Variants in GRID2 observed in about 807,000 individuals in gnomAD.
GRID2 encodes glutamate receptor ionotropic, delta-2.
GRID2 carries 33 observed loss-of-function variants against 114.8 expected under a neutral mutation model. That is an observed-to-expected ratio of 0.29 (90% confidence interval 0.22 to 0.38). The LOEUF is 0.38. Among genes scored for constraint, GRID2 ranks in the 10% least tolerant of loss-of-function variants. The probability of loss-of-function intolerance (pLI) is 1.00; values close to 1 mark genes in which losing one functional copy is unlikely to be tolerated. For missense variants in GRID2, 1,184 were observed against 1,257.7 expected, an observed-to-expected ratio of 0.94 and a Z score of 0.89; for synonymous variants, 505 against 449.9, an observed-to-expected ratio of 1.12 and a Z score of -1.55.
At chr4:92,346,678 A>G (rs774177547) in intron 1 of GRID2, among the ~76,000 whole-genome samples, 1 of 152,174 alleles carries the variant, frequency 6.6e-6, no homozygotes, top group Non-Finnish European at 1.5e-5. Context: ...TTTAAATACA[A>G]TATCAGGGAG....
chr4:92,378,942 A>T (rs1237985276), intron 1 of GRID2, among the ~76,000 whole-genome samples: 3 of 151,932 alleles, frequency 2.0e-5, no homozygotes, highest in Admixed American at 2.0e-4. Context: ...TAAAATTTTT[A>T]AAATAAACCT....
intron 14 of GRID2, among the ~76,000 whole-genome samples, chr4:93,734,501 C>T (rs1730760618): frequency 6.6e-6 from 1 of 151,932 alleles, no homozygotes; most frequent in African/African-American, 2.4e-5. Flanking sequence ...AAAATCACCA[C>T]CACAAAAATC....
chr4:93,664,571 T>G (rs1176800122), intron 14 of GRID2, among the ~76,000 whole-genome samples: 2 of 152,174 alleles, frequency 1.3e-5, no homozygotes, highest in African/African-American at 4.8e-5. Flanking sequence ...ACTCCAAGTT[T>G]CTTGGTTTGA....
At chr4:92,708,561 C>A (rs141080741) in intron 2 of GRID2, among the ~76,000 whole-genome samples, 5 of 152,252 alleles carry the variant, frequency 3.3e-5, no homozygotes, top group South Asian at 2.1e-4. Flanking sequence ...TTTATCTCAT[C>A]TGCAATAAAA....
intron 5 of GRID2, among the ~76,000 whole-genome samples, chr4:93,209,124 G>T (rs1033746900): frequency 8.6e-5 from 13 of 151,810 alleles, no homozygotes; most frequent in African/African-American, 1.5e-4. Flanking sequence ...TAAGTTCAGG[G>T]GTACGTGAGC....
At chr4:93,645,358 C>T (rs1722013624) in intron 14 of GRID2, among the ~76,000 whole-genome samples, 1 of 151,976 alleles carries the variant, frequency 6.6e-6, no homozygotes, top group South Asian at 2.1e-4. Context: ...ATGATATACC[C>T]ATATAAGGAA....
At chr4:92,945,159 A>G (rs62311175) in intron 2 of GRID2, among the ~76,000 whole-genome samples, 5,409 of 152,122 alleles carry the variant, frequency 0.036, 117 homozygotes, top group Non-Finnish European at 0.041. Flanking sequence ...TATACATCCT[A>G]TTTCTTATGT....
Position 93,618,916 on chromosome 4 carries a change from A to G in GRID2, c.2194-7353A>G, listed in dbSNP as rs201920320. ...GTAAAGAAGCTACATTCAGTTTTCTATTTTCCTAGAATGCTTTTAAAAACT... is the reference window on the plus strand; with the variant it reads ...GTAAAGAAGCTACATTCAGTTTTCTGTTTTCCTAGAATGCTTTTAAAAACT... On this transcript the variant is annotated intron_variant, in intron 13 of 15. Coordinates refer to ENST00000282020, the MANE Select transcript of GRID2 (RefSeq NM_001510.4). Among the ~76,000 whole-genome samples the G allele has an allele frequency of 4.6e-5, 7 of 152,248 alleles. No individual in the cohort carries two copies. In the East Asian group the frequency reaches 5.8e-4, roughly 13 times the overall value.
rs760308777 is a variant in GRID2 at position 92,884,262 on chromosome 4, G to A, written c.245-200733G>A. On this transcript the variant is annotated intron_variant, in intron 2 of 15. Transcript: ENST00000282020. ...TCTTACCTCTCTCAGCCTTCATAGA[G>A]TTGAAGAGAGTTGGGGTCTTGCTCT... 3.3e-5 allele frequency among the ~76,000 whole-genome samples: 5 copies of A among 152,138 alleles called. No homozygotes were observed. In the East Asian group the frequency reaches 5.8e-4, roughly 18 times the overall value.
At chr4:93,334,178 T>A (rs1758792391) in intron 8 of GRID2, among the ~76,000 whole-genome samples, 1 of 152,222 alleles carries the variant, frequency 6.6e-6, no homozygotes, top group Non-Finnish European at 1.5e-5. Context: ...TTAATACTGC[T>A]AACATCAACA....
chr4:93,547,448 C>T (rs1196429752), intron 13 of GRID2, among the ~76,000 whole-genome samples: 2 of 152,094 alleles, frequency 1.3e-5, no homozygotes, highest in African/African-American at 4.8e-5. Flanking sequence ...GTGCTTTCAC[C>T]AAGTGGCCAA....
At chr4:93,018,525 T>G (rs928395055) in intron 2 of GRID2, among the ~76,000 whole-genome samples, 1 of 152,166 alleles carries the variant, frequency 6.6e-6, no homozygotes, top group Non-Finnish European at 1.5e-5. Context: ...TTAGCTGTGC[T>G]TATCTACTGA....
intron 2 of GRID2, among the ~76,000 whole-genome samples, chr4:92,829,702 A>C (rs1406771561): frequency 1.3e-5 from 2 of 152,174 alleles, no homozygotes; most frequent in Non-Finnish European, 2.9e-5. Context: ...TCAATGATAG[A>C]CTGGACAAAG....
chr4:93,266,428 AT>A (rs1750836625), intron 8 of GRID2, among the ~76,000 whole-genome samples: 1 of 151,910 alleles, frequency 6.6e-6, no homozygotes, highest in Non-Finnish European at 1.5e-5. Context: ...AACTACTATT[AT>A]TTTTACACAC....
intron 2 of GRID2, among the ~76,000 whole-genome samples, chr4:92,622,535 C>T (rs182743315): frequency 3.4e-4 from 52 of 151,826 alleles, no homozygotes; most frequent in African/African-American, 1.1e-3. Context: ...TGGAATAATA[C>T]TATTTTTTCC....
chr4:93,203,389 T>C (rs1742316420), intron 4 of GRID2, among the ~76,000 whole-genome samples: 3 of 152,166 alleles, frequency 2.0e-5, no homozygotes, highest in Admixed American at 2.0e-4. Flanking sequence ...TACATATACA[T>C]TGATATATAA....
At chr4:92,687,859 G>T (rs1013032548) in intron 2 of GRID2, among the ~76,000 whole-genome samples, 3 of 151,476 alleles carry the variant, frequency 2.0e-5, no homozygotes, top group African/African-American at 7.3e-5. Context: ...CTAAAAAAAG[G>T]CTAATGATCA....
intron 2 of GRID2, among the ~76,000 whole-genome samples, chr4:92,934,790 G>T (rs1194695740): frequency 6.8e-6 from 1 of 146,924 alleles, no homozygotes; most frequent in Non-Finnish European, 1.5e-5. Flanking sequence ...AGTGGGGAAA[G>T]GATTCCCTAT....
chr4:92,396,347 A>G (rs982852162), intron 1 of GRID2, among the ~76,000 whole-genome samples: 1 of 151,956 alleles, frequency 6.6e-6, no homozygotes, highest in Non-Finnish European at 1.5e-5. Flanking sequence ...TGCATGTTAT[A>G]TTTGCCAAAA....
Sources: allele counts gnomAD v4.1 joint callset (sites outside exome capture counted in the v4.1 genomes callset), GRCh38; gene constraint gnomAD v4.1.1; transcripts MANE v1.5; gene names NCBI Gene and HGNC (gene_info 2026-07-23, HGNC 2026-07-21).